The following ZFHX4 variants were observed in gnomAD, a reference collection of about 807,000 sequenced individuals.
ZFHX4 encodes the protein zinc finger homeobox protein 4.
In ZFHX4, 56 loss-of-function variants were observed where a neutral mutation model predicts 267.6. The ratio of observed to expected loss-of-function variants is 0.21; its 90% CI spans 0.17 to 0.26. The LOEUF (loss-of-function observed/expected upper bound fraction) is 0.26. Ranked by LOEUF, ZFHX4 falls within the 10% of genes least tolerant of loss-of-function variation. The pLI is 1.00. For synonymous variants in ZFHX4, 1,778 were observed against 1,665.6 expected (o/e 1.07, Z -1.64); for missense variants, 4,332 against 4,420.0 (o/e 0.98, Z 0.56).
Position 76,855,514 on chromosome 8 carries a change from C to A in ZFHX4, c.8593C>A (p.Leu2865Ile), listed in dbSNP as rs754279484. The stretch of plus-strand genomic sequence containing the variant: ...CACGGAGGTCTGCGATGACAAATTT[C>A]TCTTTTCTCTCACAAGCCCATCCAT... ...PTTEVCDDKF[L>I]FSLTSPSIHF... Residue 2865 changes from leucine to isoleucine, a missense_variant, in exon 10 of 11, where the codon CTC (leucine) becomes ATC (isoleucine). By Grantham distance (5) the Leu-to-Ile change is conservative. Coordinates refer to ENST00000651372, the MANE Select transcript of ZFHX4 (RefSeq NM_024721.5). 1 of 1,613,878 alleles carries A rather than the reference C, an allele frequency of 6.2e-7. No individual in the cohort carries two copies. The highest frequency in any genetic ancestry group is 2.2e-5 in the East Asian group (1 of 44,850).
Position 76,704,440 on chromosome 8 carries a change from G to A in ZFHX4, c.352G>A (p.Glu118Lys), listed in dbSNP as rs1585862920. Residue 118 changes from glutamate to lysine, a missense_variant, in exon 2 of 11, where the codon GAG (glutamate) becomes AAG (lysine). This residue lies in a region of ZFHX4 where 1,195 missense variants were observed against 1,173.6 expected (regional missense o/e 1.02). Coordinates refer to ENST00000651372, the MANE Select transcript of ZFHX4 (RefSeq NM_024721.5). The part of the protein sequence containing the change: ...LKDDNESEIS[E>K]LEDSDVENLT... ...GGATGACAACGAGAGCGAGATCAGC[G>A]AGTTAGAGGACAGTGACGTGGAAAA... 2 of 1,614,008 alleles carry A rather than the reference G, an allele frequency of 1.2e-6. No homozygotes were observed. Among genetic ancestry groups the A allele is most frequent in the Middle Eastern group, 1.6e-4 (1 of 6,062 alleles).
At chr8:76,794,202 T>A (rs1810912159) in intron 4 of ZFHX4, among the ~76,000 whole-genome samples, 1 of 152,214 alleles carries the variant, frequency 6.6e-6, no homozygotes, top group Admixed American at 6.6e-5. Flanking sequence ...TTTATTAATT[T>A]TGATAACTTT....
chr8:76,708,437 C>G (rs1252341993), intron 3 of ZFHX4, among the ~76,000 whole-genome samples: 1 of 151,872 alleles, frequency 6.6e-6, no homozygotes, highest in Non-Finnish European at 1.5e-5. Flanking sequence ...AAATCAGTGC[C>G]TAACCTTGTG....
In ZFHX4 at chr8:76,854,470, C is replaced by G. The variant is rs762928700; in HGVS notation, c.7549C>G (p.Leu2517Val). 4 of 1,613,752 alleles carry G rather than the reference C, an allele frequency of 2.5e-6. No homozygotes were observed. The highest frequency in any genetic ancestry group is 2.7e-5 in the African/African-American group (2 of 74,896). The change falls in exon 10 of 11, where the codon CTT becomes GTT. Residue 2517 changes from leucine to valine, a missense_variant. By Grantham distance (32) the Leu-to-Val change is conservative. Coordinates refer to ENST00000651372, the MANE Select transcript of ZFHX4 (RefSeq NM_024721.5). ...GCAGGAACACCAGCACATGCACTTCCTTGCTGCTCAAAACCAATTCCTTCA... is the reference window on the plus strand; with the variant it reads ...GCAGGAACACCAGCACATGCACTTCGTTGCTGCTCAAAACCAATTCCTTCA... ...LWQEHQHMHF[L>V]AAQNQFLHSP...
At chr8:76,827,199 C>T (rs1418696149) in intron 4 of ZFHX4, among the ~76,000 whole-genome samples, 1 of 152,236 alleles carries the variant, frequency 6.6e-6, no homozygotes, top group Non-Finnish European at 1.5e-5. Context: ...CACCTCAGAT[C>T]ATCAGGCATT....
rs79276026 is a variant in ZFHX4, at chr8:76,794,466, A to G, written c.3325+16027A>G. ...GGAAAGTTCTCTTTCATGTTTGACC[A>G]CAGATTTCTTTTGCTCTGTGGCAAC... is the stretch of plus-strand genomic sequence containing the variant. On this transcript the variant is annotated intron_variant, in intron 4 of 10. Transcript: ENST00000651372. 5.6e-3 allele frequency among the ~76,000 whole-genome samples: 849 copies of G among 152,272 alleles called. 10 individuals are homozygous for G. The highest frequency in any genetic ancestry group is 0.027 in the Admixed American group (417 of 15,286).
chr8:76,724,383 A>G (rs1470187520), intron 3 of ZFHX4, among the ~76,000 whole-genome samples: 1 of 151,872 alleles, frequency 6.6e-6, no homozygotes, highest in African/African-American at 2.4e-5. Flanking sequence ...ACAGGCTAGG[A>G]TTTTTCTAGG....
Position 76,864,074 on chromosome 8 carries a change from G to A in ZFHX4, c.10360G>A (p.Val3454Met), listed in dbSNP as rs1285090803. 8.7e-6 allele frequency: 14 copies of A among 1,613,736 alleles called. No homozygotes were observed. The South Asian group carries it at 1.4e-4, about 16-fold the overall frequency. The change falls in exon 11 of 11, where the codon GTG becomes ATG. Residue 3454 changes from valine to methionine, a missense_variant. Coordinates refer to ENST00000651372, the MANE Select transcript of ZFHX4 (RefSeq NM_024721.5). ...CAAATATCAGTGTCTTGCCTGTGAT[G>A]TGGCTATCAGTGGGAATGAAGCACT... ...VSKYQCLACD[V>M]AISGNEALSQ...
chr8:76,759,904 G>A (rs1809865154), intron 3 of ZFHX4, among the ~76,000 whole-genome samples: 1 of 152,092 alleles, frequency 6.6e-6, no homozygotes, highest in African/African-American at 2.4e-5. Flanking sequence ...ATTAAGACAG[G>A]TAAATGATCT....
chr8:76,711,385 C>A (rs759450552), intron 3 of ZFHX4, among the ~76,000 whole-genome samples: 2 of 152,090 alleles, frequency 1.3e-5, no homozygotes, highest in Non-Finnish European at 2.9e-5. Context: ...TGCCCATAAT[C>A]TTTACTTTTA....
At position 76,706,581 on chromosome 8, in the gene ZFHX4, G is replaced by C. The variant is rs777300407; in HGVS notation, c.2493G>C (p.Leu831=). Residue 831 remains leucine (L), a synonymous_variant, in exon 2 of 11, where the codon CTG becomes CTC. Transcript: ENST00000651372. ...YQYYLAQNIG[L]TGMKLENPAD... The stretch of plus-strand genomic sequence containing the variant: ...ACTACCTAGCCCAGAACATAGGCCT[G>C]ACCGGAATGAAGCTGGAAAACCCTG... 3 of 1,610,866 alleles carry C rather than the reference G, an allele frequency of 1.9e-6. No individual in the cohort carries two copies. The highest frequency in any genetic ancestry group is 1.3e-5 in the African/African-American group (1 of 74,904).
chr8:76,857,831 A>C (rs1812772327), intron 10 of ZFHX4, among the ~76,000 whole-genome samples: 1 of 148,008 alleles, frequency 6.8e-6, no homozygotes, highest in African/African-American at 2.4e-5. Flanking sequence ...AGAATAATGC[A>C]ATGACAGATT....
intron 1 of ZFHX4, among the ~76,000 whole-genome samples, chr8:76,690,648 T>C (rs1807799227): frequency 6.6e-6 from 1 of 152,058 alleles, no homozygotes; most frequent in Admixed American, 6.6e-5. Context: ...TAATCATCTC[T>C]TTTGGTTTAG....
At chr8:76,861,357 G>C (rs1356472591) in intron 10 of ZFHX4, among the ~76,000 whole-genome samples, 1 of 152,148 alleles carries the variant, frequency 6.6e-6, no homozygotes, top group Non-Finnish European at 1.5e-5. Flanking sequence ...CTGCCATTGA[G>C]TCATAACACT....
chr8:76,863,961 A>G lies in ZFHX4; in HGVS notation c.10247A>G (p.Asp3416Gly). The G allele has an allele frequency of 6.2e-7, 1 of 1,610,960 alleles. No homozygotes were observed. The change falls in exon 11 of 11, where the codon GAC becomes GGC. Residue 3416 changes from aspartate to glycine, a missense_variant. By Grantham distance (94) the Asp-to-Gly change is moderately conservative. This residue lies in a region of ZFHX4 where 1,648 missense variants were observed against 1,625.0 expected (regional missense o/e 1.01). Coordinates refer to ENST00000651372, the MANE Select transcript of ZFHX4 (RefSeq NM_024721.5). ...RKCQMMFTDE[D>G]AAVNHQKSFC... is the part of the protein sequence containing the mutation. The stretch of plus-strand genomic sequence containing the variant: ...TGCCAGATGATGTTTACTGATGAAG[A>G]CGCCGCAGTAAATCATCAAAAGTCC...
At chr8:76,843,454 C>A (rs1812288089) in intron 6 of ZFHX4, among the ~76,000 whole-genome samples, 1 of 152,134 alleles carries the variant, frequency 6.6e-6, no homozygotes, top group African/African-American at 2.4e-5. Context: ...CGTGTCATGA[C>A]ATTTACTTGT....
At chr8:76,791,546 T>C (rs1436034390) in intron 4 of ZFHX4, among the ~76,000 whole-genome samples, 1 of 152,168 alleles carries the variant, frequency 6.6e-6, no homozygotes, top group East Asian at 1.9e-4. Context: ...GAGCTATTTT[T>C]ACTGTATTTA....
intron 10 of ZFHX4, among the ~76,000 whole-genome samples, chr8:76,860,706 C>T (rs1035629809): frequency 1.3e-5 from 2 of 152,050 alleles, no homozygotes; most frequent in African/African-American, 4.8e-5. Flanking sequence ...GCAAGTAAAG[C>T]CTCCTCCACC....
intron 3 of ZFHX4, among the ~76,000 whole-genome samples, chr8:76,750,890 A>C (rs1038785724): frequency 6.6e-6 from 1 of 152,184 alleles, no homozygotes; most frequent in African/African-American, 2.4e-5. Flanking sequence ...AAAATAATGC[A>C]TAAACTTTCA....
Sources: allele counts gnomAD v4.1 joint callset (sites outside exome capture counted in the v4.1 genomes callset), GRCh38; gene constraint gnomAD v4.1.1; regional missense constraint gnomAD v4.1.1; transcripts MANE v1.5; gene names NCBI Gene and HGNC (gene_info 2026-07-23, HGNC 2026-07-21).